Variants in RAB2A observed in about 807,000 individuals in gnomAD.
RAB2A encodes the protein ras-related protein Rab-2A.
A neutral mutation model predicts 32.5 loss-of-function variants in RAB2A; 7 were observed. That is an observed-to-expected ratio of 0.22 (90% confidence interval 0.12 to 0.40). The LOEUF is 0.40. RAB2A is among the 10% of genes least tolerant of loss of function. The pLI, the probability that RAB2A is intolerant of heterozygous loss-of-function variation, is 1.00. For synonymous variants in RAB2A, 79 were observed against 85.2 expected (o/e 0.93, Z 0.40); for missense variants, 108 against 260.7 (o/e 0.41, Z 4.03).
rs369177092 is a variant in RAB2A, at chr8:60,579,789, G to A, written c.187-4419G>A. Among the ~76,000 whole-genome samples the A allele has an allele frequency of 1.8e-3, 272 of 151,978 alleles. 1 individual carries two copies. Among genetic ancestry groups the A allele is most frequent in the Non-Finnish European group, 2.5e-3 (169 of 67,966 alleles). On this transcript the variant is annotated intron_variant, in intron 3 of 7. Coordinates refer to ENST00000262646, the MANE Select transcript of RAB2A (RefSeq NM_002865.3). ...ACTACAGGTGCCCGCCACCAAGCCC[G>A]GCTAATTTTTTGCATTTTTAGTAGA...
chr8:60,521,074 C>T (rs1368212663), intron 1 of RAB2A, among the ~76,000 whole-genome samples: 1 of 152,220 alleles, frequency 6.6e-6, no homozygotes, highest in Non-Finnish European at 1.5e-5. Flanking sequence ...CTTCAGCCTC[C>T]CAAAGTGCCA....
intron 5 of RAB2A, among the ~76,000 whole-genome samples, chr8:60,591,534 A>G (rs2326570): frequency 0.55 from 83,344 of 152,016 alleles, 26,373 homozygotes; most frequent in African/African-American, 0.88. Flanking sequence ...AAATTATGTT[A>G]AGCAAAATGG....
chr8:60,535,234 G>T (rs184273341), intron 1 of RAB2A, among the ~76,000 whole-genome samples: 73 of 152,280 alleles, frequency 4.8e-4, no homozygotes, highest in Non-Finnish European at 5.1e-4. Context: ...AGTTTTGCTG[G>T]TTATTTAAGT....
chr8:60,565,833 C>T (rs1418388302), intron 2 of RAB2A, among the ~76,000 whole-genome samples: 2 of 151,460 alleles, frequency 1.3e-5, no homozygotes, highest in East Asian at 3.9e-4. Flanking sequence ...GCCTCAGCCT[C>T]CTGAGTAGCT....
At chr8:60,616,626 T>TA (rs1324988610) in intron 6 of RAB2A, among the ~76,000 whole-genome samples, 2 of 152,268 alleles carry the variant, frequency 1.3e-5, no homozygotes, top group Admixed American at 1.3e-4. Context: ...CTCTAGCACA[T>TA]ACATGAAAAG....
intron 1 of RAB2A, among the ~76,000 whole-genome samples, chr8:60,526,038 T>TATAC (rs1807379902): frequency 8.1e-6 from 1 of 123,268 alleles, no homozygotes; most frequent in South Asian, 2.9e-4. Context: ...TATATATATA[T>TATAC]ATATATATAT....
chr8:60,551,594 TG>T (rs1807848451), intron 1 of RAB2A, among the ~76,000 whole-genome samples: 1 of 152,248 alleles, frequency 6.6e-6, no homozygotes, highest in African/African-American at 2.4e-5. Context: ...AGATGGTCTC[TG>T]TCTTTTGATG....
intron 2 of RAB2A, chr8:60,570,097 A>G (rs912726424): frequency 8.4e-5 from 38 of 452,132 alleles, no homozygotes; most frequent in Admixed American, 2.1e-4. Flanking sequence ...CAAGATATCA[A>G]TTCCAGAGAG....
chr8:60,556,641 T>TAAAAAA (rs11393857), intron 1 of RAB2A, among the ~76,000 whole-genome samples: 11 of 106,578 alleles, frequency 1.0e-4, no homozygotes, highest in African/African-American at 3.6e-4. Flanking sequence ...CTCTTTTTAA[T>TAAAAAA]AAAAAAAAAA....
chr8:60,608,232 ATG>A (rs1474430156), intron 6 of RAB2A, among the ~76,000 whole-genome samples: 2 of 152,236 alleles, frequency 1.3e-5, no homozygotes, highest in African/African-American at 4.8e-5. Flanking sequence ...CATGCATAAT[ATG>A]TAAAGGCTAG....
chr8:60,545,856 A>G (rs890154805), intron 1 of RAB2A, among the ~76,000 whole-genome samples: 2 of 152,242 alleles, frequency 1.3e-5, no homozygotes, highest in Non-Finnish European at 2.9e-5. Flanking sequence ...AATATTCATT[A>G]AACAAATTCA....
intron 6 of RAB2A, among the ~76,000 whole-genome samples, chr8:60,600,633 G>A (rs900047923): frequency 3.3e-5 from 5 of 152,272 alleles, no homozygotes; most frequent in African/African-American, 1.2e-4. Flanking sequence ...ATTCAGAATG[G>A]CCAAAAACTG....
chr8:60,606,161 A>G (rs1322504138), intron 6 of RAB2A, among the ~76,000 whole-genome samples: 2 of 151,872 alleles, frequency 1.3e-5, no homozygotes, highest in Non-Finnish European at 2.9e-5. Context: ...AAAACAAACA[A>G]ACAAACAAAA....
Position 60,622,262 on chromosome 8 carries a change from C to A in RAB2A, c.*1493C>A, listed in dbSNP as rs1804539939. On this transcript the variant is annotated 3_prime_UTR_variant, in exon 8 of 8. Transcript: ENST00000262646. Reference sequence around the variant, plus strand: ...AAGAAAGCATAAAGAAGTTCTAACTCTGAAACTAACTACTTTCATTTCGCT... The same window carrying A: ...AAGAAAGCATAAAGAAGTTCTAACTATGAAACTAACTACTTTCATTTCGCT... 6.6e-6 allele frequency: 1 copy of A among 152,224 alleles called. No individual in the cohort carries two copies. Among genetic ancestry groups the A allele is most frequent in the African/African-American group, 2.4e-5 (1 of 41,452 alleles). 9.4% of individuals were successfully genotyped at this position (152,224 alleles called of 1,614,324 possible).
At chr8:60,516,980 G>A (rs377019145), upstream of RAB2A, 390 of 429,474 alleles carry the variant, frequency 9.1e-4, 3 homozygotes, top group East Asian at 0.012. Flanking sequence ...GCGCCGCGGC[G>A]GCTGTTATTG....
intron 6 of RAB2A, among the ~76,000 whole-genome samples, chr8:60,610,051 G>A (rs77420872): frequency 0.027 from 4,108 of 151,594 alleles, 84 homozygotes; most frequent in Non-Finnish European, 0.036. Flanking sequence ...AATCTTTGTG[G>A]TTTGAAAAGG....
rs1397781301 is a variant in RAB2A, at chr8:60,517,001, C to T, written c.-207C>T. 2 of 469,478 alleles carry T rather than the reference C, an allele frequency of 4.3e-6. No individual in the cohort carries two copies. The highest frequency in any genetic ancestry group is 4.4e-5 in the Admixed American group (1 of 22,496). 29.1% of individuals were successfully genotyped at this position (469,478 alleles called of 1,614,324 possible). A position where few individuals can be genotyped will look rare whatever the true frequency, so the allele number is the denominator to read the frequency against. ...CGGCGGCTGTTATTGTTCGGCTGGG[C>T]TCGGTCGGGCGCTGTCTCCCTCGGC... On this transcript the variant is annotated 5_prime_UTR_variant, in exon 1 of 8. Coordinates refer to ENST00000262646, the MANE Select transcript of RAB2A (RefSeq NM_002865.3).
rs369628178 is a variant in RAB2A, at chr8:60,622,108, A to G, written c.*1339A>G. 3 of 152,136 alleles carry G rather than the reference A, an allele frequency of 2.0e-5. No individual in the cohort carries two copies. Among genetic ancestry groups the G allele is most frequent in the Non-Finnish European group, 4.4e-5 (3 of 68,020 alleles). 9.4% of individuals were successfully genotyped at this position (152,136 alleles called of 1,614,324 possible). A position where few individuals can be genotyped will look rare whatever the true frequency, so the allele number is the denominator to read the frequency against. ...TTTTAAAAGGGTCAGAATGGTTAAC[A>G]CTCAACCCTTTTTAAAAATTTTGCT... On this transcript the variant is annotated 3_prime_UTR_variant, in exon 8 of 8. Coordinates refer to ENST00000262646, the MANE Select transcript of RAB2A (RefSeq NM_002865.3).
chr8:60,586,251 C>T (rs1387482071), intron 5 of RAB2A, among the ~76,000 whole-genome samples: 2 of 151,852 alleles, frequency 1.3e-5, no homozygotes, highest in Non-Finnish European at 2.9e-5. Flanking sequence ...GAACTGTGTT[C>T]ATGCCACTGT....
Sources: allele counts gnomAD v4.1 joint callset (sites outside exome capture counted in the v4.1 genomes callset), GRCh38; gene constraint gnomAD v4.1.1; transcripts MANE v1.5; gene names NCBI Gene and HGNC (gene_info 2026-07-23, HGNC 2026-07-21).